The following EXD2 variants were observed in gnomAD, a reference collection of about 807,000 sequenced individuals.
EXD2 encodes the protein exonuclease 3'-5' domain-containing protein 2.
EXD2 carries 40 observed loss-of-function variants against 62.5 expected under a neutral mutation model. The observed-to-expected ratio is 0.64, with a 90% CI of 0.50 to 0.83. The LOEUF is 0.83. Among genes scored for constraint, EXD2 ranks in the 40% least tolerant of loss-of-function variants. The probability of loss-of-function intolerance (pLI) is 0.00; values close to 1 mark genes in which losing one functional copy is unlikely to be tolerated. For missense variants in EXD2, 671 were observed against 761.8 expected (o/e 0.88, Z 1.40); for synonymous variants, 239 against 291.9 (o/e 0.82, Z 1.85).
At position 69,243,593 on chromosome 14, in the gene EXD2, A is replaced by G. The variant is rs2044035533; in HGVS notation, c.*2493A>G. On this transcript the variant is annotated 3_prime_UTR_variant, in exon 10 of 10. Transcript: ENST00000685843. ...AATTTTGGTTGTTTCAGATACTTTT[A>G]TTATCAATGATGATGTGATAAAGTT... 6.6e-6 allele frequency: 1 copy of G among 152,192 alleles called. No individual in the cohort carries two copies. The highest frequency in any genetic ancestry group is 1.5e-5 in the Non-Finnish European group (1 of 68,026). The allele number at this position is 152,192 out of a possible 1,614,324, so 9.4% of individuals were successfully genotyped here.
In EXD2 at chr14:69,241,091, G is replaced by T. The variant is rs1262230299; in HGVS notation, c.1857G>T (p.Gln619His). Reference sequence around the variant, plus strand: ...AATTCGGGGAAGATCTTCCCATCCAGCTGTCTTGATAGCTGCTTTCCTCCC... The same window carrying T: ...AATTCGGGGAAGATCTTCCCATCCATCTGTCTTGATAGCTGCTTTCCTCCC... ...LRKFGEDLPI[Q>H]LS Residue 619 changes from glutamine to histidine, a missense_variant, in exon 10 of 10, where the codon CAG becomes CAT. Physicochemically the swap from Gln to His is conservative, Grantham distance 24 (BLOSUM62 0). Transcript: ENST00000685843. 1.9e-6 allele frequency: 3 copies of T among 1,612,072 alleles called. No homozygotes were observed. The highest frequency in any genetic ancestry group is 2.5e-6 in the Non-Finnish European group (3 of 1,179,996).
In EXD2 at chr14:69,237,794, T is replaced by TG. The variant is rs761996376; in HGVS notation, c.1516dup (p.Ala506GlyfsTer27). ...ATCCTGAGCGCCGGCAGGTGCGTTC[T>TG]GGGGCCAGGGCCCTGCTCAACGCGG... is the stretch of plus-strand genomic sequence containing the variant. On this transcript the variant is annotated frameshift_variant, in exon 9 of 10. Transcript: ENST00000685843. LOFTEE classifies it high-confidence loss of function. 11 of 1,613,588 alleles carry TG rather than the reference T, an allele frequency of 6.8e-6. No individual in the cohort carries two copies. The highest frequency in any genetic ancestry group is 1.7e-6 in the Non-Finnish European group (2 of 1,179,900).
intron 6 of EXD2, 104 bp downstream of exon 6, chr14:69,235,135 AGCAGCTCTCCC>A: frequency 9.7e-7 from 1 of 1,035,364 alleles, no homozygotes; most frequent in Non-Finnish European, 1.4e-6. Context: ...GTAGGGGAGC[AGCAGCTCTCCC>A]GGGGTTAATC....
chr14:69,230,554 C>G lies in EXD2; in HGVS notation c.673C>G (p.Leu225Val). ...CTTTCCCCTTGACAAGTCCCTTCTACTTCGTTGCAGCAACTGGGATGCTGA... is the reference window on the plus strand; with the variant it reads ...CTTTCCCCTTGACAAGTCCCTTCTAGTTCGTTGCAGCAACTGGGATGCTGA... ...LNFPLDKSLL[L>V]RCSNWDAETL... Residue 225 changes from leucine (L) to valine (V), a missense_variant, in exon 5 of 10, where the codon CTT becomes GTT. Coordinates refer to ENST00000685843, the MANE Select transcript of EXD2 (RefSeq NM_001193360.2). The G allele has an allele frequency of 1.2e-6, 2 of 1,613,812 alleles. No homozygotes were observed. Among genetic ancestry groups the G allele is most frequent in the Non-Finnish European group, 1.7e-6 (2 of 1,179,798 alleles).
chr14:69,200,852 T>A (rs892533961), intron 1 of EXD2, among the ~76,000 whole-genome samples: 8 of 152,076 alleles, frequency 5.3e-5, no homozygotes, highest in Admixed American at 2.0e-4. Context: ...GGTGGGTGGA[T>A]CACCTGAGGT....
Position 69,243,579 on chromosome 14 carries a change from T to C in EXD2, c.*2479T>C, listed in dbSNP as rs902822346. ...CCCACACTGTTGAAAATTTTGGTTG[T>C]TTCAGATACTTTTATTATCAATGAT... On this transcript the variant is annotated 3_prime_UTR_variant, in exon 10 of 10. Transcript: ENST00000685843. 8 of 152,242 alleles carry C rather than the reference T, an allele frequency of 5.3e-5. No homozygotes were observed. Among genetic ancestry groups the C allele is most frequent in the Non-Finnish European group, 8.8e-5 (6 of 68,042 alleles). 9.4% of individuals were successfully genotyped at this position (152,242 alleles called of 1,614,324 possible). A position where few individuals can be genotyped will look rare whatever the true frequency, so the allele number is the denominator to read the frequency against.
intron 3 of EXD2, among the ~76,000 whole-genome samples, chr14:69,217,993 A>C (rs890654978): frequency 6.6e-6 from 1 of 152,220 alleles, no homozygotes; most frequent in Non-Finnish European, 1.5e-5. Flanking sequence ...CACAATAAAC[A>C]TACGTGTGCA....
At position 69,242,102 on chromosome 14, in the gene EXD2, T is replaced by G. The variant is rs979793221; in HGVS notation, c.*1002T>G. On this transcript the variant is annotated 3_prime_UTR_variant, in exon 10 of 10. Transcript: ENST00000685843. ...CTGAAGCCTGGGACACTGAGCTTACTTAATACATTAGATGTTCAAAAGAGG... is the reference window on the plus strand; with the variant it reads ...CTGAAGCCTGGGACACTGAGCTTACGTAATACATTAGATGTTCAAAAGAGG... The G allele has an allele frequency of 5.0e-6, 2 of 398,506 alleles. No homozygotes were observed. Among genetic ancestry groups the G allele is most frequent in the African/African-American group, 2.1e-5 (1 of 48,638 alleles). The allele number at this position is 398,506 out of a possible 1,614,324, so 24.7% of individuals were successfully genotyped here. A position where few individuals can be genotyped will look rare whatever the true frequency, so the allele number is the denominator to read the frequency against.
intron 3 of EXD2, 133 bp from the exon 4 acceptor site, chr14:69,228,683 C>T: frequency 1.7e-6 from 2 of 1,203,052 alleles, no homozygotes; most frequent in Non-Finnish European, 2.3e-6. Context: ...TCTGTAGATG[C>T]AAACCAAAAC....
chr14:69,205,728 G>A (rs2042570464), intron 2 of EXD2, among the ~76,000 whole-genome samples: 1 of 151,802 alleles, frequency 6.6e-6, no homozygotes, highest in African/African-American at 2.4e-5. Flanking sequence ...TTCCTATGTG[G>A]GGTGTGTTTG....
intron 5 of EXD2, among the ~76,000 whole-genome samples, chr14:69,234,325 C>T (rs1199712432): frequency 1.3e-5 from 2 of 152,134 alleles, no homozygotes; most frequent in Non-Finnish European, 2.9e-5. Context: ...AAGTGAATTT[C>T]ATGTACTAGT....
chr14:69,212,664 G>A (rs1282204090), intron 3 of EXD2, among the ~76,000 whole-genome samples: 4 of 140,022 alleles, frequency 2.9e-5, no homozygotes, highest in Non-Finnish European at 6.1e-5. Flanking sequence ...CTACAGGTAT[G>A]TGCCACCACT....
At chr14:69,198,554 T>A (rs2042285745) in intron 1 of EXD2, among the ~76,000 whole-genome samples, 9 of 152,240 alleles carry the variant, frequency 5.9e-5, no homozygotes, top group Admixed American at 5.9e-4. Context: ...CTGTATCTAC[T>A]CATTCCAGCA....
intron 3 of EXD2, among the ~76,000 whole-genome samples, chr14:69,227,025 A>C (rs927634978): frequency 6.6e-6 from 1 of 152,208 alleles, no homozygotes; most frequent in Admixed American, 6.5e-5. Context: ...TTTGTATGCA[A>C]CTGTGGCACT....
rs1416083688 is a variant in EXD2 at position 69,241,262 on chromosome 14, T to C, written c.*162T>C. On this transcript the variant is annotated 3_prime_UTR_variant, in exon 10 of 10. Transcript: ENST00000685843. ...GGATGCTTCTGCTGGAGCAAAGATA[T>C]TGTTTGAAGGAGAGTTTATGGTTTT... 3 of 626,018 alleles carry C rather than the reference T, an allele frequency of 4.8e-6. No individual in the cohort carries two copies. The highest frequency in any genetic ancestry group is 2.2e-5 in the South Asian group (1 of 46,436). The allele number at this position is 626,018 out of a possible 1,614,324, so 38.8% of individuals were successfully genotyped here.
intron 5 of EXD2, among the ~76,000 whole-genome samples, chr14:69,233,431 T>A (rs146486016): frequency 0.015 from 2,201 of 151,728 alleles, 43 homozygotes; most frequent in African/African-American, 0.048. Context: ...TTAATTAATT[T>A]ATTTATTTAT....
intron 3 of EXD2, among the ~76,000 whole-genome samples, chr14:69,228,195 T>C (rs2043429634): frequency 6.9e-6 from 1 of 145,356 alleles, no homozygotes; most frequent in South Asian, 2.3e-4. Context: ...CTTTTTTTTT[T>C]TTTTTTTTTT....
At chr14:69,236,328 C>T in intron 7 of EXD2, 79 bp from the exon 8 acceptor site, 1 of 1,605,330 alleles carries the variant, frequency 6.2e-7, no homozygotes, top group Admixed American at 1.7e-5. Flanking sequence ...TAGCAGAGAA[C>T]AGTGAAGGTA....
intron 5 of EXD2, among the ~76,000 whole-genome samples, chr14:69,230,941 C>T (rs1210229579): frequency 1.3e-5 from 2 of 152,158 alleles, no homozygotes; most frequent in Non-Finnish European, 1.5e-5. Flanking sequence ...CACCACCATG[C>T]CTGGCTAATA....
Sources: allele counts gnomAD v4.1 joint callset (sites outside exome capture counted in the v4.1 genomes callset), GRCh38; gene constraint gnomAD v4.1.1; transcripts MANE v1.5; gene names NCBI Gene and HGNC (gene_info 2026-07-23, HGNC 2026-07-21).